The following RAP1GDS1 variants were observed in gnomAD, a reference collection of about 807,000 sequenced individuals.
RAP1GDS1 encodes the protein RAP1, GTP-GDP dissociation stimulator 1.
Under a neutral mutation model 71.1 loss-of-function variants are expected in RAP1GDS1, and 35 were observed. The ratio of observed to expected loss-of-function variants is 0.49; its 90% CI spans 0.38 to 0.65. The LOEUF is 0.65. Ranked by LOEUF, RAP1GDS1 falls within the 30% of genes least tolerant of loss-of-function variation. The probability of loss-of-function intolerance (pLI) is 0.00; values close to 1 mark genes in which losing one functional copy is unlikely to be tolerated. For synonymous variants in RAP1GDS1, 229 were observed against 243.1 expected, an observed-to-expected ratio of 0.94 and a Z score of 0.54; for missense variants, 663 against 706.1, an observed-to-expected ratio of 0.94 and a Z score of 0.69.
intron 6 of RAP1GDS1, among the ~76,000 whole-genome samples, chr4:98,399,052 T>G (rs369230413): frequency 6.6e-6 from 1 of 152,228 alleles, no homozygotes; most frequent in Non-Finnish European, 1.5e-5. Context: ...GACTTTTTTT[T>G]TGTGGAGATA....
At chr4:98,400,829 ATTAT>A (rs543417483) in intron 6 of RAP1GDS1, among the ~76,000 whole-genome samples, 66 of 152,164 alleles carry the variant, frequency 4.3e-4, no homozygotes, top group Admixed American at 2.0e-3. Flanking sequence ...ATATACAATT[ATTAT>A]TTGTCAAATA....
At chr4:98,378,649 T>A (rs2110482147) in intron 4 of RAP1GDS1, among the ~76,000 whole-genome samples, 1 of 151,976 alleles carries the variant, frequency 6.6e-6, no homozygotes, top group South Asian at 2.1e-4. Flanking sequence ...GGACAAAAAC[T>A]TATATCAATA....
At chr4:98,326,512 T>G (rs952176356) in intron 2 of RAP1GDS1, among the ~76,000 whole-genome samples, 5 of 152,250 alleles carry the variant, frequency 3.3e-5, no homozygotes, top group Non-Finnish European at 7.3e-5. Flanking sequence ...CATTTTGGCT[T>G]TATTTAAGCC....
At chr4:98,368,439 G>A (rs1739854906) in intron 4 of RAP1GDS1, among the ~76,000 whole-genome samples, 1 of 152,106 alleles carries the variant, frequency 6.6e-6, no homozygotes, top group Non-Finnish European at 1.5e-5. Flanking sequence ...AAGGAATGGA[G>A]ATATGCCAGA....
chr4:98,279,248 A>AAAT (rs966336144), intron 1 of RAP1GDS1, among the ~76,000 whole-genome samples: 1 of 151,140 alleles, frequency 6.6e-6, no homozygotes. Context: ...AAACAAACAA[A>AAAT]AATAATAATA....
intron 6 of RAP1GDS1, among the ~76,000 whole-genome samples, chr4:98,397,833 G>A (rs1285883283): frequency 6.6e-6 from 1 of 152,060 alleles, no homozygotes; most frequent in Non-Finnish European, 1.5e-5. Context: ...GAAGTAAAAG[G>A]TACCACAGTA....
intron 6 of RAP1GDS1, among the ~76,000 whole-genome samples, chr4:98,392,456 T>G (rs1743853356): frequency 6.6e-6 from 1 of 152,242 alleles, no homozygotes; most frequent in Non-Finnish European, 1.5e-5. Flanking sequence ...GGCTTGTGCC[T>G]GTGGTTCCAG....
intron 6 of RAP1GDS1, among the ~76,000 whole-genome samples, chr4:98,403,658 G>A (rs1745737730): frequency 6.6e-6 from 1 of 152,176 alleles, no homozygotes. Flanking sequence ...GCTGTTTGGT[G>A]CTATGGAAGA....
At chr4:98,330,166 G>A (rs1349917604) in intron 2 of RAP1GDS1, among the ~76,000 whole-genome samples, 2 of 152,156 alleles carry the variant, frequency 1.3e-5, no homozygotes, top group African/African-American at 4.8e-5. Context: ...AGCATCCCAA[G>A]GCAGAAGAAT....
At chr4:98,388,267 G>A (rs1243811558) in intron 5 of RAP1GDS1, among the ~76,000 whole-genome samples, 1 of 152,156 alleles carries the variant, frequency 6.6e-6, no homozygotes. Context: ...TGAGATGTTA[G>A]GAGCTTTATT....
chr4:98,397,100 C>T lies in RAP1GDS1; in HGVS notation c.637+5020C>T, dbSNP rs371998522. On this transcript the variant is annotated intron_variant, in intron 6 of 14. Transcript: ENST00000408927. ...CCAATAATGAAAAAAAGATTGTTTT[C>T]CTCCTGATTGTTATTTATGCACAAT... Among the ~76,000 whole-genome samples the T allele has an allele frequency of 1.5e-4, 23 of 152,172 alleles. No individual in the cohort carries two copies. The South Asian group carries it at 4.4e-3, about 29-fold the overall frequency.
intron 1 of RAP1GDS1, among the ~76,000 whole-genome samples, chr4:98,272,766 T>G (rs1723655390): frequency 6.6e-6 from 1 of 152,110 alleles, no homozygotes; most frequent in Non-Finnish European, 1.5e-5. Flanking sequence ...ACTGAACTGG[T>G]CATCTCCAGT....
intron 1 of RAP1GDS1, among the ~76,000 whole-genome samples, chr4:98,268,445 A>G (rs1453489916): frequency 6.6e-6 from 1 of 152,180 alleles, no homozygotes; most frequent in Non-Finnish European, 1.5e-5. Context: ...GCTATTTAAG[A>G]TAGTACTAGA....
Position 98,404,618 on chromosome 4 carries a change from G to T in RAP1GDS1, c.763+16G>T. ...GCAGAAAATGGTGAGAAACTTAAAT[G>T]CACCTTTGGATTTTTGATCATGTAT... On this transcript the variant is annotated intron_variant, in intron 7 of 14. Transcript: ENST00000408927. 1 of 1,594,850 alleles carries T rather than the reference G, an allele frequency of 6.3e-7. No homozygotes were observed. Among genetic ancestry groups the T allele is most frequent in the Non-Finnish European group, 8.5e-7 (1 of 1,173,402 alleles).
chr4:98,357,240 A>G (rs1180453089), intron 4 of RAP1GDS1, among the ~76,000 whole-genome samples: 10 of 151,930 alleles, frequency 6.6e-5, no homozygotes, highest in Non-Finnish European at 1.5e-4. Flanking sequence ...GTATGTTATT[A>G]AAGTCTCATG....
chr4:98,378,940 C>T (rs1446932547), intron 4 of RAP1GDS1, 77 bp from the exon 5 acceptor site: 1 of 1,280,612 alleles, frequency 7.8e-7, no homozygotes, highest in South Asian at 1.5e-5. Context: ...AAGAATAACA[C>T]TGTTATGTTT....
At chr4:98,434,494 A>T (rs1344850564) in intron 13 of RAP1GDS1, among the ~76,000 whole-genome samples, 1 of 151,790 alleles carries the variant, frequency 6.6e-6, no homozygotes, top group African/African-American at 2.4e-5. Context: ...CATCACCGTG[A>T]CTTCTATTGC....
chr4:98,341,633 A>G (rs1735517338), intron 2 of RAP1GDS1, among the ~76,000 whole-genome samples: 2 of 152,144 alleles, frequency 1.3e-5, no homozygotes, highest in Non-Finnish European at 2.9e-5. Flanking sequence ...TTCTAAGGTT[A>G]TATTTCTTCT....
chr4:98,431,252 C>A (rs1025635939), intron 12 of RAP1GDS1, among the ~76,000 whole-genome samples: 1 of 152,156 alleles, frequency 6.6e-6, no homozygotes, highest in Admixed American at 6.5e-5. Flanking sequence ...ATGATACAAT[C>A]TTGAAAAAGA....
Sources: allele counts gnomAD v4.1 joint callset (sites outside exome capture counted in the v4.1 genomes callset), GRCh38; gene constraint gnomAD v4.1.1; transcripts MANE v1.5; gene names NCBI Gene and HGNC (gene_info 2026-07-23, HGNC 2026-07-21).